The following EHMT1 variants were observed in gnomAD, a reference collection of about 807,000 sequenced individuals.
EHMT1 encodes the protein histone-lysine N-methyltransferase EHMT1.
Under a neutral mutation model 147.2 loss-of-function variants are expected in EHMT1, and 15 were observed. The observed-to-expected ratio is 0.10, with a 90% confidence interval of 0.07 to 0.16. The LOEUF (loss-of-function observed/expected upper bound fraction) is 0.16, where lower values mean the gene tolerates loss of function less well. EHMT1 is among the 10% of genes least tolerant of loss of function. The probability of loss-of-function intolerance (pLI) is 1.00; values close to 1 mark genes in which losing one functional copy is unlikely to be tolerated. For missense variants in EHMT1, 1,587 were observed against 1,772.4 expected (o/e 0.90, Z 1.88); for synonymous variants, 795 against 709.6 (o/e 1.12, Z -1.91).
intron 1 of EHMT1, among the ~76,000 whole-genome samples, chr9:137,651,787 C>A (rs762836312): frequency 6.6e-6 from 1 of 151,738 alleles, no homozygotes; most frequent in Non-Finnish European, 1.5e-5. Flanking sequence ...AGCGAGACGC[C>A]GTCTCAAGAA....
At chr9:137,682,547 A>G (rs1042660441) in intron 1 of EHMT1, among the ~76,000 whole-genome samples, 34 of 152,278 alleles carry the variant, frequency 2.2e-4, no homozygotes, top group African/African-American at 6.7e-4. Flanking sequence ...AGAGTTTGCT[A>G]GCCGCTGGGA....
In EHMT1 at chr9:137,778,121, C is replaced by T. The variant is rs145281465; in HGVS notation, c.2192+66C>T. ...GTTTTAATCTGCACCCCGCGTTTTT[C>T]CCCATGGTGTCACTTTAGCACTTCT... On this transcript the variant is annotated intron_variant, in intron 13 of 26. Transcript: ENST00000460843. 583 of 1,595,508 alleles carry T rather than the reference C, an allele frequency of 3.7e-4. 3 individuals carry two copies. The East Asian group carries it at 0.011, about 29-fold the overall frequency.
Position 137,805,192 on chromosome 9 carries a change from C to T in EHMT1, c.2712+4208C>T, listed in dbSNP as rs558736164. The stretch of plus-strand genomic sequence containing the variant: ...CATTCGTCCACGTGTGAGTCGTCCA[C>T]GTGTGAGTCATCTGCATGTCTGTCA... On this transcript the variant is annotated intron_variant, in intron 18 of 26. Coordinates refer to ENST00000460843, the MANE Select transcript of EHMT1 (RefSeq NM_024757.5). Among the ~76,000 whole-genome samples the T allele has an allele frequency of 5.3e-5, 8 of 150,586 alleles. No individual in the cohort carries two copies. The East Asian group carries it at 7.9e-4, about 15-fold the overall frequency.
chr9:137,706,294 G>A (rs1944269144), intron 1 of EHMT1, among the ~76,000 whole-genome samples: 1 of 152,254 alleles, frequency 6.6e-6, no homozygotes, highest in African/African-American at 2.4e-5. Context: ...CGGGGTCTGA[G>A]TCCAAGTAGT....
chr9:137,661,023 T>A (rs910207513), intron 1 of EHMT1, among the ~76,000 whole-genome samples: 3 of 152,228 alleles, frequency 2.0e-5, no homozygotes, highest in African/African-American at 7.2e-5. Context: ...ATTGTGCTGG[T>A]TAGGACACGA....
At position 137,790,959 on chromosome 9, in the gene EHMT1, G is replaced by C; in HGVS notation, c.2494G>C (p.Val832Leu). 6.2e-7 allele frequency: 1 copy of C among 1,614,198 alleles called. No individual in the cohort carries two copies. The highest frequency in any genetic ancestry group is 1.1e-5 in the South Asian group (1 of 91,080). The change falls in exon 16 of 27, where the codon GTG becomes CTG. Residue 832 changes from valine (V) to leucine (L), a missense_variant. Physicochemically the swap from Val to Leu is conservative, Grantham distance 32 (BLOSUM62 1). Coordinates refer to ENST00000460843, the MANE Select transcript of EHMT1 (RefSeq NM_024757.5). The stretch of plus-strand genomic sequence containing the variant: ...GTACCTCATCAAGGCTGGGGCCCTG[G>C]TGGATCCCAAGGTATGTTCCCCTGT... ...VKYLIKAGAL[V>L]DPKDAEGSTC... is the part of the protein sequence containing the mutation.
chr9:137,664,470 G>C (rs1939420127), intron 1 of EHMT1, among the ~76,000 whole-genome samples: 1 of 152,040 alleles, frequency 6.6e-6, no homozygotes, highest in Non-Finnish European at 1.5e-5. Flanking sequence ...ATGTTGGCCA[G>C]GCTGGTCTCG....
chr9:137,814,603 G>A (rs981255754), intron 22 of EHMT1, 95 bp downstream of exon 22: 23 of 1,422,456 alleles, frequency 1.6e-5, no homozygotes, highest in African/African-American at 1.3e-4. Context: ...CAGCGCTGTC[G>A]TGGCAGCGTC....
At chr9:137,683,865 A>G (rs1312265635) in intron 1 of EHMT1, among the ~76,000 whole-genome samples, 2 of 151,236 alleles carry the variant, frequency 1.3e-5, no homozygotes, top group African/African-American at 4.9e-5. Context: ...GTCCCTACCT[A>G]CCCCCTCACT....
chr9:137,774,982 G>C lies in EHMT1; in HGVS notation c.1648-127G>C. 5.8e-6 allele frequency: 8 copies of C among 1,386,942 alleles called. No homozygotes were observed. The Admixed American group carries it at 1.4e-4, about 24-fold the overall frequency. 85.9% of individuals were successfully genotyped at this position (1,386,942 alleles called of 1,614,324 possible). A position where few individuals can be genotyped will look rare whatever the true frequency, so the allele number is the denominator to read the frequency against. On this transcript the variant is annotated intron_variant, in intron 10 of 26. Transcript: ENST00000460843. ...CTTGCAAAGCCAAGCTGGCCTTGCA[G>C]GGCTCGGCTCAGTCAGCCCACACCT...
chr9:137,664,012 C>T (rs1939361981), intron 1 of EHMT1, among the ~76,000 whole-genome samples: 1 of 152,104 alleles, frequency 6.6e-6, no homozygotes, highest in East Asian at 1.9e-4. Context: ...ATATATTTTA[C>T]AGATTATATA....
chr9:137,806,429 G>A (rs1344587169), intron 18 of EHMT1, among the ~76,000 whole-genome samples: 2 of 151,670 alleles, frequency 1.3e-5, no homozygotes, highest in Non-Finnish European at 1.5e-5. Flanking sequence ...TGCTTGTGAT[G>A]AGCTCTTGCA....
intron 17 of EHMT1, 131 bp downstream of exon 17, chr9:137,799,045 C>CCA (rs1250635615): frequency 1.4e-6 from 1 of 739,606 alleles, no homozygotes. Context: ...CTCGGGCCCT[C>CCA]CAGCGTCCTC....
intron 2 of EHMT1, among the ~76,000 whole-genome samples, chr9:137,716,026 T>TC (rs1945190081): frequency 6.7e-6 from 1 of 148,288 alleles, no homozygotes; most frequent in Non-Finnish European, 1.5e-5. Context: ...GGTGGTGGTG[T>TC]CATAGGGGGA....
intron 1 of EHMT1, among the ~76,000 whole-genome samples, chr9:137,668,649 C>G (rs914712242): frequency 1.2e-4 from 18 of 152,200 alleles, no homozygotes; most frequent in Admixed American, 6.5e-4. Context: ...CCCTGGCAAC[C>G]ACTCATCTGC....
In EHMT1 at chr9:137,730,644, T is replaced by C. The variant is rs770422015; in HGVS notation, c.823+2115T>C. Among the ~76,000 whole-genome samples the C allele has an allele frequency of 1.2e-4, 19 of 152,366 alleles. No homozygotes were observed. The East Asian group carries it at 3.5e-3, about 28-fold the overall frequency. On this transcript the variant is annotated intron_variant, in intron 4 of 26. Transcript: ENST00000460843. ...CGGACTCTTATTTGAGTCTCTGGACTGTAATCCATTCCTATCATTATTTAT... is the reference window on the plus strand; with the variant it reads ...CGGACTCTTATTTGAGTCTCTGGACCGTAATCCATTCCTATCATTATTTAT...
At chr9:137,814,056 GCCCCCCC>G (rs71387862) in intron 21 of EHMT1, among the ~76,000 whole-genome samples, 4 of 50,050 alleles carry the variant, frequency 8.0e-5, no homozygotes, top group Admixed American at 4.2e-4. Flanking sequence ...CACTGCCCAG[GCCCCCCC>G]CCCCCCCCGC....
At chr9:137,791,079 A>G (rs1952486676) in intron 16 of EHMT1, 109 bp downstream of exon 16, 18 of 1,569,016 alleles carry the variant, frequency 1.1e-5, no homozygotes, top group Non-Finnish European at 1.6e-5. Flanking sequence ...GCCTTCACAC[A>G]CTGACCCAGT....
chr9:137,746,383 G>T (rs951726893), intron 6 of EHMT1: 1 of 152,228 alleles, frequency 6.6e-6, no homozygotes, highest in South Asian at 2.1e-4. Flanking sequence ...CAAAAGTGCT[G>T]GGATTACAGG....
Sources: allele counts gnomAD v4.1 joint callset (sites outside exome capture counted in the v4.1 genomes callset), GRCh38; gene constraint gnomAD v4.1.1; transcripts MANE v1.5; gene names NCBI Gene and HGNC (gene_info 2026-07-23, HGNC 2026-07-21).